The following CEP41 variants were observed in gnomAD, a reference collection of about 807,000 sequenced individuals.
CEP41 encodes centrosomal protein of 41 kDa.
CEP41 carries 32 observed loss-of-function variants against 44.3 expected under a neutral mutation model. That is an observed-to-expected ratio of 0.72 (90% CI 0.54 to 0.97). CEP41 has a LOEUF of 0.97. Ranked by LOEUF, CEP41 falls within the 50% of genes least tolerant of loss-of-function variation. The pLI is 0.00. For synonymous variants in CEP41, 151 were observed against 168.5 expected (o/e 0.90, Z 0.80); for missense variants, 432 against 455.2 (o/e 0.95, Z 0.46).
chr7:130,402,924 G>A, intron 6 of CEP41, 125 bp from the exon 7 acceptor site: 1 of 989,616 alleles, frequency 1.0e-6, no homozygotes. Context: ...CAAAGGCAAA[G>A]GAAAATGGAC....
intron 2 of CEP41, among the ~76,000 whole-genome samples, chr7:130,423,850 A>G (rs532732549): frequency 1.3e-5 from 2 of 152,352 alleles, no homozygotes; most frequent in South Asian, 4.1e-4. Flanking sequence ...TAAGTGAAAG[A>G]AGCCAGACAT....
intron 3 of CEP41, 99 bp downstream of exon 3, chr7:130,416,820 C>T (rs1280441732): frequency 4.2e-6 from 4 of 946,654 alleles, no homozygotes; most frequent in Non-Finnish European, 5.2e-6. Flanking sequence ...CCATAGCTCT[C>T]TGTGCCTGTC....
intron 3 of CEP41, among the ~76,000 whole-genome samples, chr7:130,412,610 A>G (rs570224294): frequency 6.6e-6 from 1 of 152,348 alleles, no homozygotes; most frequent in Admixed American, 6.5e-5. Context: ...AAAGCAGGGA[A>G]GAAATGTCCG....
At chr7:130,426,860 A>G (rs782449955) in intron 2 of CEP41, 9 of 260,342 alleles carry the variant, frequency 3.5e-5, no homozygotes, top group Non-Finnish European at 6.9e-5. Context: ...CTCCGAATAA[A>G]TCACAAAATC....
chr7:130,424,542 C>A (rs782658062), intron 2 of CEP41, among the ~76,000 whole-genome samples: 1 of 151,928 alleles, frequency 6.6e-6, no homozygotes, highest in African/African-American at 2.4e-5. Context: ...AATAGAGAAC[C>A]CAGAAATAGA....
intron 1 of CEP41, 138 bp from the exon 2 acceptor site, chr7:130,428,156 G>T: frequency 1.5e-6 from 1 of 683,674 alleles, no homozygotes; most frequent in Non-Finnish European, 2.6e-6. Flanking sequence ...GGGCATGGTG[G>T]CTCACGCCTG....
chr7:130,418,106 C>A (rs531190362), intron 2 of CEP41, among the ~76,000 whole-genome samples: 1 of 151,930 alleles, frequency 6.6e-6, no homozygotes, highest in South Asian at 2.1e-4. Context: ...CTTTTCTTTT[C>A]TTTTTTTTGG....
At chr7:130,411,092 T>C in intron 5 of CEP41, 30 bp downstream of exon 5, 1 of 1,599,978 alleles carries the variant, frequency 6.3e-7, no homozygotes, top group Non-Finnish European at 8.6e-7. Flanking sequence ...GTCAGCCTGT[T>C]ATTTTCCCCA....
intron 1 of CEP41, among the ~76,000 whole-genome samples, chr7:130,440,016 T>C (rs1477112617): frequency 1.3e-5 from 2 of 152,148 alleles, no homozygotes; most frequent in Non-Finnish European, 2.9e-5. Flanking sequence ...CGCAATTTAT[T>C]TATTGTTTAT....
intron 1 of CEP41, among the ~76,000 whole-genome samples, chr7:130,430,095 A>G (rs1797780145): frequency 6.6e-6 from 1 of 152,242 alleles, no homozygotes; most frequent in Non-Finnish European, 1.5e-5. Flanking sequence ...TAAATGACCC[A>G]CAAAGCATAC....
chr7:130,440,790 C>CCCCCCCCCAAA, intron 1 of CEP41, 144 bp downstream of exon 1: 1 of 631,554 alleles, frequency 1.6e-6, no homozygotes, highest in Non-Finnish European at 2.9e-6. Flanking sequence ...CGGCCCGCCC[C>CCCCCCCCCAAA]GCCCCTGCAT....
chr7:130,421,515 A>G lies in CEP41; in HGVS notation c.98-4549T>C, dbSNP rs972889835. 5 of 984,308 alleles carry G rather than the reference A, an allele frequency of 5.1e-6. No individual in the cohort carries two copies. The African/African-American group carries it at 5.2e-5, about 10-fold the overall frequency. The allele number at this position is 984,308 out of a possible 1,614,324, so 61.0% of individuals were successfully genotyped here. The stretch of plus-strand genomic sequence containing the variant: ...TTTGACGGAAGAAACAGAATTAAAC[A>G]ACAAATAAAAATGAAGAGTACCTAG... On this transcript the variant is annotated intron_variant, in intron 2 of 10. Transcript: ENST00000223208.
In CEP41 at chr7:130,396,366, C is replaced by T. The variant is rs1554414532; in HGVS notation, c.*2525G>A. On this transcript the variant is annotated 3_prime_UTR_variant, in exon 11 of 11. Transcript: ENST00000223208. The stretch of plus-strand genomic sequence containing the variant: ...GCTTTCTGACTGGAGAGCTGAGGCC[C>T]CCTGCCCTAATTGGACTGATTTCCT... 2.2e-6 allele frequency: 1 copy of T among 453,960 alleles called. No homozygotes were observed. Among genetic ancestry groups the T allele is most frequent in the East Asian group, 6.9e-5 (1 of 14,398 alleles). 28.1% of individuals were successfully genotyped at this position (453,960 alleles called of 1,614,324 possible). A position where few individuals can be genotyped will look rare whatever the true frequency, so the allele number is the denominator to read the frequency against.
intron 1 of CEP41, among the ~76,000 whole-genome samples, chr7:130,434,764 T>C (rs1554425833): frequency 2.0e-5 from 3 of 152,176 alleles, no homozygotes. Context: ...ATGAAAAATA[T>C]GGCTGCTGAA....
rs1797489522 is a variant in CEP41 at position 130,420,944 on chromosome 7, C to T, written c.98-3978G>A. 6.1e-6 allele frequency: 6 copies of T among 982,936 alleles called. No homozygotes were observed. In the South Asian group the frequency reaches 2.8e-4, roughly 46 times the overall value. The allele number at this position is 982,936 out of a possible 1,614,324, so 60.9% of individuals were successfully genotyped here. A position where few individuals can be genotyped will look rare whatever the true frequency, so the allele number is the denominator to read the frequency against. Reference sequence around the variant, plus strand: ...TTTCTTTAAACTATGTACAACTTGACTTATATACAGTATATGTTATGTGCT... The same window carrying T: ...TTTCTTTAAACTATGTACAACTTGATTTATATACAGTATATGTTATGTGCT... On this transcript the variant is annotated intron_variant, in intron 2 of 10. Transcript: ENST00000223208.
intron 2 of CEP41, among the ~76,000 whole-genome samples, chr7:130,423,559 CA>C (rs1395596004): frequency 6.6e-6 from 1 of 152,162 alleles, no homozygotes; most frequent in Non-Finnish European, 1.5e-5. Flanking sequence ...AACAGTTTGG[CA>C]GTTCCTCAAA....
At chr7:130,437,058 A>G (rs1453501294) in intron 1 of CEP41, among the ~76,000 whole-genome samples, 1 of 152,150 alleles carries the variant, frequency 6.6e-6, no homozygotes, top group Non-Finnish European at 1.5e-5. Context: ...AAACAAACAA[A>G]TTAAAAACAT....
At chr7:130,426,452 A>C (rs543722121) in intron 2 of CEP41, among the ~76,000 whole-genome samples, 33 of 152,132 alleles carry the variant, frequency 2.2e-4, no homozygotes, top group East Asian at 7.7e-4. Flanking sequence ...GAAAAAAAAA[A>C]AAACAAACTA....
At chr7:130,426,951 T>A in intron 2 of CEP41, 1 of 214,756 alleles carries the variant, frequency 4.7e-6, no homozygotes, top group East Asian at 1.6e-4. Context: ...AGGATAAATA[T>A]CTGTACGGCA....
Sources: allele counts gnomAD v4.1 joint callset (sites outside exome capture counted in the v4.1 genomes callset), GRCh38; gene constraint gnomAD v4.1.1; transcripts MANE v1.5; gene names NCBI Gene and HGNC (gene_info 2026-07-23, HGNC 2026-07-21).